Variants in STARD13 observed in about 807,000 individuals in gnomAD.
The protein encoded by STARD13 is StAR related lipid transfer domain containing 13, also known as stAR-related lipid transfer protein 13.
In STARD13, 62 loss-of-function variants were observed where a neutral mutation model predicts 106.4. The ratio of observed to expected loss-of-function variants is 0.58; its 90% CI spans 0.48 to 0.72. The LOEUF (loss-of-function observed/expected upper bound fraction) is 0.72. Among genes scored for constraint, STARD13 ranks in the 30% least tolerant of loss-of-function variants. The probability of loss-of-function intolerance (pLI) is 0.00; values close to 1 mark genes in which losing one functional copy is unlikely to be tolerated. For missense variants in STARD13, 1,387 were observed against 1,424.0 expected (o/e 0.97, Z 0.42); for synonymous variants, 565 against 553.0 (o/e 1.02, Z -0.31).
chr13:33,461,490 T>A, the STARD13 span, among the ~76,000 whole-genome samples: 1 of 152,196 alleles, frequency 6.6e-6, no homozygotes, highest in Non-Finnish European at 1.5e-5. Context: ...AGATAAGGGT[T>A]CCTCAGTGGG....
At chr13:33,496,078 A>G in the STARD13 span, among the ~76,000 whole-genome samples, 4 of 142,084 alleles carry the variant, frequency 2.8e-5, no homozygotes, top group African/African-American at 1.0e-4. Flanking sequence ...TATAGTTAAT[A>G]TATAATTATA....
chr13:33,287,041 G>A (rs1377005574), upstream of STARD13, among the ~76,000 whole-genome samples: 1 of 152,006 alleles, frequency 6.6e-6, no homozygotes, highest in South Asian at 2.1e-4. Flanking sequence ...CTGAGCCTGG[G>A]GCTGAAAGAA....
chr13:33,529,481 T>A, the STARD13 span, among the ~76,000 whole-genome samples: 1 of 152,184 alleles, frequency 6.6e-6, no homozygotes, highest in Non-Finnish European at 1.5e-5. Context: ...TCTCATTCAT[T>A]CACTTATTCA....
At chr13:33,253,349 G>C (rs1890181533) in intron 1 of STARD13, among the ~76,000 whole-genome samples, 1 of 152,180 alleles carries the variant, frequency 6.6e-6, no homozygotes, top group Admixed American at 6.5e-5. Context: ...TTAACACACA[G>C]ACCATTTTAA....
In STARD13 at chr13:33,129,529, C is replaced by T. The variant is rs34425674; in HGVS notation, c.1148G>A (p.Arg383His). The change falls in exon 5 of 14, where the codon CGT (arginine) becomes CAT (histidine). Residue 383 changes from arginine to histidine, a missense_variant. Arg to His is a conservative substitution (Grantham distance 29). Coordinates refer to ENST00000336934, the MANE Select transcript of STARD13 (RefSeq NM_178006.4). ...TALPDAGDQS[R>H]MHEFHSQENL... ...CTCTTGGGAGTGAAATTCATGCATA[C>T]GGCTTTGGTCCCCTGCATCCGGCAG... is the stretch of plus-strand genomic sequence containing the variant. The T allele has an allele frequency of 7.9e-5, 128 of 1,614,070 alleles. No individual in the cohort carries two copies. Among genetic ancestry groups the T allele is most frequent in the Non-Finnish European group, 1.0e-4 (119 of 1,180,044 alleles).
In STARD13 at chr13:33,145,296, A is replaced by T. The variant is rs151227661; in HGVS notation, c.324-2923T>A. ...CATGAAAGAAATGCAAATTAAAATC[A>T]TAACGAGACACCACTACACAACAGA... On this transcript the variant is annotated intron_variant, in intron 3 of 13. Transcript: ENST00000336934. 1.8e-3 allele frequency among the ~76,000 whole-genome samples: 268 copies of T among 152,388 alleles called. 1 individual carries two copies. The highest frequency in any genetic ancestry group is 6.1e-3 in the African/African-American group (255 of 41,594).
intron 1 of STARD13, among the ~76,000 whole-genome samples, chr13:33,282,575 CTT>C (rs1205526022): frequency 6.6e-6 from 1 of 152,136 alleles, no homozygotes; most frequent in African/African-American, 2.4e-5. Flanking sequence ...GTAATGATGT[CTT>C]AAATCAAATT....
At chr13:33,494,236 A>G in the STARD13 span, among the ~76,000 whole-genome samples, 1 of 152,142 alleles carries the variant, frequency 6.6e-6, no homozygotes, top group Non-Finnish European at 1.5e-5. Flanking sequence ...CCGGCCACCC[A>G]GTATCCCCTT....
chr13:33,662,058 C>T, the STARD13 span, among the ~76,000 whole-genome samples: 8 of 151,950 alleles, frequency 5.3e-5, no homozygotes, highest in South Asian at 4.2e-4. Flanking sequence ...GTCAGGAGAT[C>T]GAGACCATCC....
the STARD13 span, among the ~76,000 whole-genome samples, chr13:33,497,772 C>A: frequency 6.6e-6 from 1 of 152,314 alleles, no homozygotes; most frequent in East Asian, 1.9e-4. Context: ...GATCCCTACT[C>A]ATTGTGGAGA....
the STARD13 span, among the ~76,000 whole-genome samples, chr13:33,519,656 T>A: frequency 6.6e-6 from 1 of 152,264 alleles, no homozygotes; most frequent in East Asian, 1.9e-4. Flanking sequence ...TTACATAATT[T>A]TTTTAGCAAT....
intron 1 of STARD13, among the ~76,000 whole-genome samples, chr13:33,230,337 C>T (rs890165497): frequency 1.3e-5 from 2 of 152,160 alleles, no homozygotes; most frequent in Non-Finnish European, 2.9e-5. Flanking sequence ...CACATCCTAC[C>T]TTGGTTAGAA....
chr13:33,469,032 T>A, the STARD13 span, among the ~76,000 whole-genome samples: 2 of 152,184 alleles, frequency 1.3e-5, no homozygotes, highest in Non-Finnish European at 2.9e-5. Flanking sequence ...ACTATTGTAG[T>A]TGTGTTATTG....
intron 1 of STARD13, among the ~76,000 whole-genome samples, chr13:33,236,644 T>C (rs768236901): frequency 6.6e-6 from 1 of 152,200 alleles, no homozygotes; most frequent in Non-Finnish European, 1.5e-5. Flanking sequence ...TCTATGTGGA[T>C]ACAGGGGAAG....
intron 1 of STARD13, among the ~76,000 whole-genome samples, chr13:33,304,384 A>G (rs1376939708): frequency 6.6e-6 from 1 of 152,312 alleles, no homozygotes; most frequent in South Asian, 2.1e-4. Context: ...AAACTCTTGT[A>G]GGAATGTGTT....
the STARD13 span, among the ~76,000 whole-genome samples, chr13:33,620,285 T>C: frequency 6.7e-6 from 1 of 148,562 alleles, no homozygotes; most frequent in Admixed American, 6.6e-5. Flanking sequence ...TTTTCTTTTT[T>C]CTTTTTTTTT....
At chr13:33,522,161 T>C in the STARD13 span, among the ~76,000 whole-genome samples, 1 of 152,122 alleles carries the variant, frequency 6.6e-6, no homozygotes, top group Non-Finnish European at 1.5e-5. Context: ...ATAATTAAGA[T>C]GTGCTATATT....
chr13:33,605,300 C>G, the STARD13 span, among the ~76,000 whole-genome samples: 6 of 151,066 alleles, frequency 4.0e-5, no homozygotes, highest in Non-Finnish European at 7.4e-5. Context: ...TCAGGCTGCT[C>G]TCAAACTCCC....
At chr13:33,673,630 C>A in the STARD13 span, among the ~76,000 whole-genome samples, 1 of 149,050 alleles carries the variant, frequency 6.7e-6, no homozygotes, top group African/African-American at 2.5e-5. Context: ...GCAACCTCCA[C>A]CTCCCTGGTT....
Sources: allele counts gnomAD v4.1 joint callset (sites outside exome capture counted in the v4.1 genomes callset), GRCh38; gene constraint gnomAD v4.1.1; transcripts MANE v1.5; gene names NCBI Gene and HGNC (gene_info 2026-07-23, HGNC 2026-07-21).